Variants in WDR49 observed in about 807,000 individuals in gnomAD.
The protein encoded by WDR49 is cilia- and flagella-associated protein 337.
A neutral mutation model predicts 119.5 loss-of-function variants in WDR49; 107 were observed. That is an observed-to-expected ratio of 0.90 (90% CI 0.77 to 1.05). The LOEUF (loss-of-function observed/expected upper bound fraction) is 1.05, where lower values mean the gene tolerates loss of function less well. Among genes scored for constraint, WDR49 ranks in the 50% least tolerant of loss-of-function variants. The pLI, the probability that WDR49 is intolerant of heterozygous loss-of-function variation, is 0.00. For missense variants in WDR49, 1,240 were observed against 1,220.5 expected (o/e 1.02, Z -0.24); for synonymous variants, 425 against 418.8 (o/e 1.01, Z -0.18).
intron 11 of WDR49, among the ~76,000 whole-genome samples, chr3:167,534,911 T>C (rs1752970373): frequency 6.6e-6 from 1 of 152,292 alleles, no homozygotes; most frequent in East Asian, 1.9e-4. Flanking sequence ...TTATGAAACA[T>C]CTAAGTGCCA....
intron 17 of WDR49, among the ~76,000 whole-genome samples, chr3:167,503,849 C>T (rs932532238): frequency 3.9e-5 from 6 of 152,196 alleles, no homozygotes; most frequent in Admixed American, 3.3e-4. Context: ...AGGTGGTTGC[C>T]GTTGCCGGCT....
intron 16 of WDR49, among the ~76,000 whole-genome samples, chr3:167,516,875 A>C (rs1261948353): frequency 6.6e-6 from 1 of 152,208 alleles, no homozygotes; most frequent in Admixed American, 6.5e-5. Context: ...TACAAGAAAA[A>C]AACAAACAAC....
chr3:167,656,062 T>C, upstream of WDR49, among the ~76,000 whole-genome samples: 1 of 152,210 alleles, frequency 6.6e-6, no homozygotes, highest in South Asian at 2.1e-4. Context: ...GTGTTCAGTG[T>C]TCCAACACAG....
intron 7 of WDR49, among the ~76,000 whole-genome samples, chr3:167,592,365 A>G (rs1044769771): frequency 6.6e-6 from 1 of 151,150 alleles, no homozygotes; most frequent in Admixed American, 6.6e-5. Flanking sequence ...ACAGGGTTAT[A>G]TTCTGTGGTT....
chr3:167,558,223 A>T (rs1404901329), intron 9 of WDR49, among the ~76,000 whole-genome samples: 1 of 152,200 alleles, frequency 6.6e-6, no homozygotes, highest in Non-Finnish European at 1.5e-5. Flanking sequence ...TATTTTCACT[A>T]TATATCCATT....
At chr3:167,503,881 C>T (rs879609355) in intron 17 of WDR49, among the ~76,000 whole-genome samples, 5 of 152,206 alleles carry the variant, frequency 3.3e-5, no homozygotes, top group Admixed American at 2.0e-4. Flanking sequence ...GTTTATATCC[C>T]GATGCTTGTC....
chr3:167,523,191 T>A (rs918986674), intron 15 of WDR49, among the ~76,000 whole-genome samples: 4 of 152,076 alleles, frequency 2.6e-5, no homozygotes, highest in African/African-American at 7.2e-5. Context: ...CAGAATAAAA[T>A]GCCTACAGAG....
chr3:167,553,342 TAGAA>T (rs1161595548), intron 10 of WDR49, among the ~76,000 whole-genome samples: 1 of 152,044 alleles, frequency 6.6e-6, no homozygotes, highest in Non-Finnish European at 1.5e-5. Flanking sequence ...CCCCAAATTA[TAGAA>T]AGTACCACCC....
At chr3:167,566,332 C>T (rs1445962046) in intron 8 of WDR49, among the ~76,000 whole-genome samples, 1 of 152,108 alleles carries the variant, frequency 6.6e-6, no homozygotes, top group African/African-American at 2.4e-5. Context: ...CTGGAACCAA[C>T]CTAAATGCTC....
At chr3:167,511,420 C>T (rs1751966152) in intron 16 of WDR49, among the ~76,000 whole-genome samples, 1 of 152,192 alleles carries the variant, frequency 6.6e-6, no homozygotes, top group South Asian at 2.1e-4. Context: ...TCTACCGACG[C>T]CTATATAATC....
intron 16 of WDR49, 105 bp downstream of exon 16, chr3:167,522,210 T>A: frequency 8.8e-7 from 1 of 1,135,662 alleles, no homozygotes; most frequent in Non-Finnish European, 1.2e-6. Flanking sequence ...AATCTTGAGG[T>A]AGTCATTGAA....
At chr3:167,577,604 A>C (rs1714314308) in intron 7 of WDR49, among the ~76,000 whole-genome samples, 1 of 152,094 alleles carries the variant, frequency 6.6e-6, no homozygotes, top group Admixed American at 6.6e-5. Context: ...TATGTCAAGC[A>C]CTTAACATGA....
At chr3:167,514,125 G>A (rs1752100491) in intron 16 of WDR49, among the ~76,000 whole-genome samples, 1 of 152,170 alleles carries the variant, frequency 6.6e-6, no homozygotes, top group Non-Finnish European at 1.5e-5. Context: ...GAGATTTACA[G>A]AAATCTCCAC....
At chr3:167,582,359 T>C (rs996664394) in intron 7 of WDR49, among the ~76,000 whole-genome samples, 3 of 152,176 alleles carry the variant, frequency 2.0e-5, no homozygotes, top group African/African-American at 4.8e-5. Flanking sequence ...TAAAGTCATA[T>C]AACATTTCTT....
chr3:167,549,654 T>C (rs1191942675), intron 10 of WDR49, among the ~76,000 whole-genome samples: 2 of 152,210 alleles, frequency 1.3e-5, no homozygotes, highest in African/African-American at 4.8e-5. Flanking sequence ...GCCTGTTCAC[T>C]CTGATGGTAG....
intron 2 of WDR49, among the ~76,000 whole-genome samples, chr3:167,650,180 T>G (rs1718306158): frequency 6.6e-6 from 1 of 152,180 alleles, no homozygotes; most frequent in South Asian, 2.1e-4. Flanking sequence ...TAGACCAAAA[T>G]TTTTACTTCT....
chr3:167,570,845 G>A (rs1713894516), intron 8 of WDR49, among the ~76,000 whole-genome samples: 1 of 152,102 alleles, frequency 6.6e-6, no homozygotes, highest in Non-Finnish European at 1.5e-5. Flanking sequence ...AGACCAGCCT[G>A]ACCAACATGG....
chr3:167,570,692 C>T (rs1244096899), intron 8 of WDR49, among the ~76,000 whole-genome samples: 9 of 151,934 alleles, frequency 5.9e-5, no homozygotes, highest in African/African-American at 2.2e-4. Flanking sequence ...TAGTGTTTAC[C>T]TTTGGTATAT....
chr3:167,608,159 GA>G lies in WDR49; in HGVS notation c.959-3692del, dbSNP rs376792215. 5.9e-5 allele frequency among the ~76,000 whole-genome samples: 9 copies of G among 152,284 alleles called. No individual in the cohort carries two copies. The East Asian group carries it at 1.5e-3, about 26-fold the overall frequency. On this transcript the variant is annotated intron_variant, in intron 5 of 18. Transcript: ENST00000682715. ...TCTGATGGCAATGATTCTCATTCAG[GA>G]AGCAGCCTCACTGAAAATATTCTCT... is the stretch of plus-strand genomic sequence containing the variant.
Sources: allele counts gnomAD v4.1 joint callset (sites outside exome capture counted in the v4.1 genomes callset), GRCh38; gene constraint gnomAD v4.1.1; transcripts MANE v1.5; gene names NCBI Gene and HGNC (gene_info 2026-07-23, HGNC 2026-07-21).